STAT5B: variants seen among roughly 807,000 people sequenced by gnomAD.
STAT5B encodes transcription factor STAT5B.
A neutral mutation model predicts 107.8 loss-of-function variants in STAT5B; 21 were observed. The observed-to-expected ratio is 0.19, with a 90% CI of 0.14 to 0.28. STAT5B has a LOEUF of 0.28. STAT5B is among the 10% of genes least tolerant of loss of function. STAT5B has a pLI of 1.00. For synonymous variants in STAT5B, 325 were observed against 401.7 expected, an observed-to-expected ratio of 0.81 and a Z score of 2.28; for missense variants, 565 against 1,008.2, an observed-to-expected ratio of 0.56 and a Z score of 5.95.
intron 1 of STAT5B, among the ~76,000 whole-genome samples, chr17:42,249,322 G>A (rs936773716): frequency 2.0e-5 from 3 of 152,114 alleles, no homozygotes; most frequent in Admixed American, 1.3e-4. Flanking sequence ...GAACCTGGGA[G>A]GTGGAGGTAG....
rs554518872 is a variant in STAT5B at position 42,262,892 on chromosome 17, G to A, written c.-11+13356C>T. Among the ~76,000 whole-genome samples the A allele has an allele frequency of 4.2e-3, 481 of 113,918 alleles. 5 individuals carry two copies. Among genetic ancestry groups the A allele is most frequent in the African/African-American group, 0.015 (450 of 30,350 alleles). 74.7% of individuals were successfully genotyped at this position (113,918 alleles called of 152,430 possible). A position where few individuals can be genotyped will look rare whatever the true frequency, so the allele number is the denominator to read the frequency against. On this transcript the variant is annotated intron_variant, in intron 1 of 18. Transcript: ENST00000293328. ...TGTGTGTATATATACACATATATAT[G>A]TGTGTATATATATGTGTATATATAT...
intron 5 of STAT5B, 130 bp from the exon 6 acceptor site, chr17:42,219,972 T>G: frequency 6.8e-7 from 1 of 1,468,154 alleles, no homozygotes; most frequent in Non-Finnish European, 9.1e-7. Context: ...CAAGTCGGGG[T>G]TCCTGACAGC....
rs769621416 is a variant in STAT5B at position 42,210,156 on chromosome 17, G to T, written c.1906+15C>A. On this transcript the variant is annotated intron_variant, in intron 15 of 18. Transcript: ENST00000293328. Reference sequence around the variant, plus strand: ...AAGCAGCTAACTTTGGACATAAGAAGGGAGGGGCACTCACGAGAATCAAAC... The same window carrying T: ...AAGCAGCTAACTTTGGACATAAGAATGGAGGGGCACTCACGAGAATCAAAC... 6.2e-7 allele frequency: 1 copy of T among 1,614,170 alleles called. No homozygotes were observed. The highest frequency in any genetic ancestry group is 1.1e-5 in the South Asian group (1 of 91,078).
At chr17:42,274,281 CAAAAAAAAAAAAA>C (rs534342062) in intron 1 of STAT5B, among the ~76,000 whole-genome samples, 1 of 62,520 alleles carries the variant, frequency 1.6e-5, no homozygotes, top group African/African-American at 5.1e-5. Flanking sequence ...GTTTGCTTTA[CAAAAAAAAAAAAA>C]AAAAAAAAAA....
Position 42,201,390 on chromosome 17 carries a change from C to A in STAT5B, c.*348G>T. On this transcript the variant is annotated 3_prime_UTR_variant, in exon 19 of 19. Coordinates refer to ENST00000293328, the MANE Select transcript of STAT5B (RefSeq NM_012448.4). ...GTCCAGCCACTCTTAAGACACATGGCCAACTTCCAGGCTTCACGAAACTCA... is the reference window on the plus strand; with the variant it reads ...GTCCAGCCACTCTTAAGACACATGGACAACTTCCAGGCTTCACGAAACTCA... 1 of 595,582 alleles carries A rather than the reference C, an allele frequency of 1.7e-6. No individual in the cohort carries two copies. The highest frequency in any genetic ancestry group is 3.0e-6 in the Non-Finnish European group (1 of 334,532). 36.9% of individuals were successfully genotyped at this position (595,582 alleles called of 1,614,324 possible).
chr17:42,264,644 T>C (rs1340495644), intron 1 of STAT5B, among the ~76,000 whole-genome samples: 2 of 152,010 alleles, frequency 1.3e-5, no homozygotes, highest in Non-Finnish European at 2.9e-5. Flanking sequence ...TCTTTGCTAT[T>C]GTGAATACTG....
chr17:42,259,933 A>G (rs1483337942), intron 1 of STAT5B, among the ~76,000 whole-genome samples: 3 of 152,154 alleles, frequency 2.0e-5, no homozygotes, highest in African/African-American at 7.2e-5. Flanking sequence ...AACATGTGCC[A>G]TGGTGGTTTG....
chr17:42,209,896 C>T (rs913891355), intron 15 of STAT5B, among the ~76,000 whole-genome samples: 9 of 152,146 alleles, frequency 5.9e-5, no homozygotes, highest in East Asian at 3.8e-4. Flanking sequence ...AGATTCTGCA[C>T]GGACTCTTGT....
chr17:42,236,188 A>C (rs2144310335), intron 1 of STAT5B, among the ~76,000 whole-genome samples: 1 of 152,346 alleles, frequency 6.6e-6, no homozygotes, highest in African/African-American at 2.4e-5. Flanking sequence ...AATACAATAT[A>C]GTTTCACTAC....
chr17:42,264,197 CT>C (rs969263865), intron 1 of STAT5B, among the ~76,000 whole-genome samples: 62 of 148,636 alleles, frequency 4.2e-4, no homozygotes, highest in East Asian at 9.9e-4. Flanking sequence ...TTGTACAAAT[CT>C]TTTTTTTTTA....
chr17:42,272,482 A>C (rs2080729219), intron 1 of STAT5B: 1 of 152,178 alleles, frequency 6.6e-6, no homozygotes, highest in South Asian at 2.1e-4. Context: ...ATTTTTCTGT[A>C]AATTGTGCTT....
intron 1 of STAT5B, chr17:42,272,575 T>C (rs1019026030): frequency 5.9e-5 from 9 of 152,184 alleles, no homozygotes; most frequent in African/African-American, 2.2e-4. Context: ...GCCTTCCCGA[T>C]TGGGTATTCA....
intron 1 of STAT5B, among the ~76,000 whole-genome samples, chr17:42,238,008 A>C (rs1275293703): frequency 1.3e-5 from 2 of 152,136 alleles, no homozygotes; most frequent in African/African-American, 4.8e-5. Flanking sequence ...TTTTAACTCA[A>C]TTTAATAAAC....
chr17:42,230,737 T>G (rs2080310728), intron 2 of STAT5B, among the ~76,000 whole-genome samples: 2 of 151,330 alleles, frequency 1.3e-5, no homozygotes, highest in African/African-American at 2.4e-5. Context: ...CTCGGCTCAC[T>G]GCAACCTCTG....
chr17:42,256,243 C>T (rs1176998910), intron 1 of STAT5B, among the ~76,000 whole-genome samples: 1 of 151,978 alleles, frequency 6.6e-6, no homozygotes, highest in Non-Finnish European at 1.5e-5. Flanking sequence ...CTCTCTTCTC[C>T]CCCATCCCCC....
intron 16 of STAT5B, among the ~76,000 whole-genome samples, chr17:42,206,724 C>A (rs1050458793): frequency 6.6e-6 from 1 of 150,882 alleles, no homozygotes; most frequent in African/African-American, 2.4e-5. Flanking sequence ...TACAGGCATG[C>A]GCCACCATGC....
At chr17:42,260,917 C>CTTTTT (rs11402155) in intron 1 of STAT5B, among the ~76,000 whole-genome samples, 1 of 141,916 alleles carries the variant, frequency 7.0e-6, no homozygotes, top group African/African-American at 2.6e-5. Context: ...TATGTCTTAC[C>CTTTTT]TTTTTTTTTT....
At position 42,200,816 on chromosome 17, in the gene STAT5B, C is replaced by T. The variant is rs774551681; in HGVS notation, c.*922G>A. ...TGAAGAAGGCCACGGACTGTGCATC[C>T]GCTGGCTCAGAGAAAGGCTGGGCAG... On this transcript the variant is annotated 3_prime_UTR_variant, in exon 19 of 19. Coordinates refer to ENST00000293328, the MANE Select transcript of STAT5B (RefSeq NM_012448.4). 1.4e-4 allele frequency: 51 copies of T among 366,180 alleles called. No homozygotes were observed. Among genetic ancestry groups the T allele is most frequent in the Non-Finnish European group, 1.9e-4 (40 of 205,888 alleles). The allele number at this position is 366,180 out of a possible 1,614,324, so 22.7% of individuals were successfully genotyped here.
intron 5 of STAT5B, among the ~76,000 whole-genome samples, chr17:42,220,472 G>C (rs180924569): frequency 1.4e-4 from 21 of 152,268 alleles, no homozygotes; most frequent in African/African-American, 4.8e-4. Flanking sequence ...CCTCTTCAGG[G>C]AAACCCAGCC....
Sources: allele counts gnomAD v4.1 joint callset (sites outside exome capture counted in the v4.1 genomes callset), GRCh38; gene constraint gnomAD v4.1.1; transcripts MANE v1.5; gene names NCBI Gene and HGNC (gene_info 2026-07-23, HGNC 2026-07-21).